The following FOXK1 variants were observed in gnomAD, a reference collection of about 807,000 sequenced individuals.
FOXK1 encodes the protein forkhead box K1.
FOXK1 carries 19 observed loss-of-function variants against 51.9 expected under a neutral mutation model. The observed-to-expected ratio is 0.37, with a 90% CI of 0.26 to 0.54. The LOEUF (loss-of-function observed/expected upper bound fraction) is 0.54, where lower values mean the gene tolerates loss of function less well. Among genes scored for constraint, FOXK1 ranks in the 20% least tolerant of loss-of-function variants. The pLI is 0.87. For synonymous variants in FOXK1, 537 were observed against 482.6 expected (o/e 1.11, Z -1.48); for missense variants, 870 against 1,032.7 (o/e 0.84, Z 2.16).
chr7:4,730,298 G>A lies in FOXK1; in HGVS notation c.561-10540G>A, dbSNP rs1217156880. On this transcript the variant is annotated intron_variant, in intron 1 of 8. Coordinates refer to ENST00000328914, the MANE Select transcript of FOXK1 (RefSeq NM_001037165.2). The surrounding 1 kb of genome is among the most constrained non-coding windows in gnomAD (Gnocchi z 4.7). ...CTGCGAGAACGGAGGGCCCAGAGCC[G>A]AGTACACTCGGCCAGGGTGAGTGAT... is the stretch of plus-strand genomic sequence containing the variant. 2.6e-5 allele frequency among the ~76,000 whole-genome samples: 4 copies of A among 152,196 alleles called. No homozygotes were observed. The highest frequency in any genetic ancestry group is 5.9e-5 in the Non-Finnish European group (4 of 68,046).
Position 4,751,075 on chromosome 7 carries a change from CGCAATCTCGACTCACT to C in FOXK1, c.747-3379_747-3364del, listed in dbSNP as rs1460327107. Among the ~76,000 whole-genome samples, 3 of 138,492 alleles carry C rather than the reference CGCAATCTCGACTCACT, an allele frequency of 2.2e-5. No individual in the cohort carries two copies. In the Admixed American group the frequency reaches 2.3e-4, roughly 11 times the overall value. The allele number at this position is 138,492 out of a possible 152,430, so 90.9% of individuals were successfully genotyped here. A position where few individuals can be genotyped will look rare whatever the true frequency, so the allele number is the denominator to read the frequency against. On this transcript the variant is annotated intron_variant, in intron 2 of 8. Coordinates refer to ENST00000328914, the MANE Select transcript of FOXK1 (RefSeq NM_001037165.2). ...TGTCGCCCAGGCTGGAGTGCAGTGG[CGCAATCTCGACTCACT>C]GCAAACTCCACCTCCCAGGTTCATG...
intron 1 of FOXK1, among the ~76,000 whole-genome samples, chr7:4,714,330 G>A (rs1780208764): frequency 6.6e-6 from 1 of 152,156 alleles, no homozygotes; most frequent in African/African-American, 2.4e-5. Flanking sequence ...CCAGGCTGGA[G>A]TGCAATGGCG....
intron 1 of FOXK1, among the ~76,000 whole-genome samples, chr7:4,697,064 G>A (rs1779962878): frequency 6.6e-6 from 1 of 152,092 alleles, no homozygotes; most frequent in Admixed American, 6.6e-5. Flanking sequence ...GAGCGAGACT[G>A]TCTCAATAAG....
Position 4,711,684 on chromosome 7 carries a change from G to A in FOXK1, c.560+28816G>A, listed in dbSNP as rs578258798. On this transcript the variant is annotated intron_variant, in intron 1 of 8. Transcript: ENST00000328914. This position sits in a 1 kb window ranked among gnomAD's most constrained non-coding sequence, Gnocchi z 6.3. ...CCTCTCGTATCTGCATCACCCATAAGGGGTGGGCAGTGGTGCTGCCGTGTC... is the reference window on the plus strand; with the variant it reads ...CCTCTCGTATCTGCATCACCCATAAAGGGTGGGCAGTGGTGCTGCCGTGTC... Among the ~76,000 whole-genome samples the A allele has an allele frequency of 6.6e-6, 1 of 152,218 alleles. No individual in the cohort carries two copies. Among genetic ancestry groups the A allele is most frequent in the Non-Finnish European group, 1.5e-5 (1 of 68,036 alleles).
intron 1 of FOXK1, among the ~76,000 whole-genome samples, chr7:4,697,997 G>A (rs1779975266): frequency 6.6e-6 from 1 of 151,882 alleles, no homozygotes; most frequent in Non-Finnish European, 1.5e-5. Flanking sequence ...GCTAATTTTT[G>A]TATTTTTAGT....
rs1780923055 is a variant in FOXK1 at position 4,760,945 on chromosome 7, C to T, written c.1697-119C>T. 1.5e-5 allele frequency: 13 copies of T among 878,146 alleles called. No individual in the cohort carries two copies. In the East Asian group the frequency reaches 3.2e-4, roughly 21 times the overall value. The allele number at this position is 878,146 out of a possible 1,614,324, so 54.4% of individuals were successfully genotyped here. On this transcript the variant is annotated intron_variant, in intron 7 of 8. Coordinates refer to ENST00000328914, the MANE Select transcript of FOXK1 (RefSeq NM_001037165.2). ...ACCCATGGGATTTTCCTCTAGCAAACCTATTTTTTCCCAGTGCCGACCTCA... is the reference window on the plus strand; with the variant it reads ...ACCCATGGGATTTTCCTCTAGCAAATCTATTTTTTCCCAGTGCCGACCTCA...
chr7:4,707,707 C>T lies in FOXK1; in HGVS notation c.560+24839C>T, dbSNP rs1330173212. Among the ~76,000 whole-genome samples, 8 of 149,158 alleles carry T rather than the reference C, an allele frequency of 5.4e-5. No individual in the cohort carries two copies. Among genetic ancestry groups the T allele is most frequent in the Non-Finnish European group, 8.9e-5 (6 of 67,712 alleles). On this transcript the variant is annotated intron_variant, in intron 1 of 8. Coordinates refer to ENST00000328914, the MANE Select transcript of FOXK1 (RefSeq NM_001037165.2). This position sits in a 1 kb window ranked among gnomAD's most constrained non-coding sequence, Gnocchi z 4.1. Reference sequence around the variant, plus strand: ...CATTTCACTTTTTTTTTTTTTGAGACGGACTCTCTCTCCGTTGCCCAGGCT... The same window carrying T: ...CATTTCACTTTTTTTTTTTTTGAGATGGACTCTCTCTCCGTTGCCCAGGCT...
rs1225252579 is a variant in FOXK1, at chr7:4,749,586, C to T, written c.747-4873C>T. Among the ~76,000 whole-genome samples the T allele has an allele frequency of 5.3e-5, 8 of 152,294 alleles. 1 individual carries two copies. The East Asian group carries it at 5.8e-4, about 11-fold the overall frequency. On this transcript the variant is annotated intron_variant, in intron 2 of 8. Coordinates refer to ENST00000328914, the MANE Select transcript of FOXK1 (RefSeq NM_001037165.2). The surrounding 1 kb of genome is among the most constrained non-coding windows in gnomAD (Gnocchi z 6.0). ...AGCTCCTTCCTCCAGCCCCTCCAGG[C>T]GGGTCCCTCTGTGTCTCTAGGGCTT...
intron 1 of FOXK1, among the ~76,000 whole-genome samples, chr7:4,696,507 C>T (rs970760770): frequency 7.2e-5 from 11 of 152,284 alleles, no homozygotes; most frequent in Non-Finnish European, 1.6e-4. Context: ...TCGGAGTACT[C>T]GTCCTTTGAG....
Position 4,682,938 on chromosome 7 carries a change from G to T in FOXK1, c.560+70G>T, listed in dbSNP as rs1474491790. 9 of 1,363,684 alleles carry T rather than the reference G, an allele frequency of 6.6e-6. No homozygotes were observed. Among genetic ancestry groups the T allele is most frequent in the Non-Finnish European group, 8.6e-6 (9 of 1,045,058 alleles). The allele number at this position is 1,363,684 out of a possible 1,614,324, so 84.5% of individuals were successfully genotyped here. A position where few individuals can be genotyped will look rare whatever the true frequency, so the allele number is the denominator to read the frequency against. On this transcript the variant is annotated intron_variant, in intron 1 of 8. Transcript: ENST00000328914. This position sits in a 1 kb window ranked among gnomAD's most constrained non-coding sequence, Gnocchi z 7.6. The stretch of plus-strand genomic sequence containing the variant: ...CACGACCTCGATCTCTGAGGCCCGG[G>T]CCTGGGGATCCCCCTCCAGCTTCCT...
intron 2 of FOXK1, among the ~76,000 whole-genome samples, chr7:4,741,443 C>G (rs1453960253): frequency 1.3e-5 from 2 of 152,130 alleles, no homozygotes; most frequent in Non-Finnish European, 2.9e-5. Context: ...ATTCTCTTGC[C>G]TCAGCCTCCC....
rs2115063861 is a variant in FOXK1, at chr7:4,745,135, G to A, written c.746+4112G>A. Among the ~76,000 whole-genome samples the A allele has an allele frequency of 6.6e-6, 1 of 152,306 alleles. No homozygotes were observed. The highest frequency in any genetic ancestry group is 1.9e-4 in the East Asian group (1 of 5,164). On this transcript the variant is annotated intron_variant, in intron 2 of 8. Transcript: ENST00000328914. This position sits in a 1 kb window ranked among gnomAD's most constrained non-coding sequence, Gnocchi z 4.3. ...CGCTCCCTAACAGATCGGGAGGTGG[G>A]AGCGGGGCCAGGCCAGAAGAGCTGG...
chr7:4,708,027 G>C (rs1780126668), intron 1 of FOXK1, among the ~76,000 whole-genome samples: 1 of 152,014 alleles, frequency 6.6e-6, no homozygotes, highest in South Asian at 2.1e-4. Context: ...TGGAGGGAGA[G>C]AGTGCCCTGG....
chr7:4,683,013 C>T lies in FOXK1; in HGVS notation c.560+145C>T. The stretch of plus-strand genomic sequence containing the variant: ...CCACCCCCGGTAACCCCCGACCGGC[C>T]TGGACTCCGGGGTCAACCCCGACCC... On this transcript the variant is annotated intron_variant, in intron 1 of 8. Coordinates refer to ENST00000328914, the MANE Select transcript of FOXK1 (RefSeq NM_001037165.2). This position sits in a 1 kb window ranked among gnomAD's most constrained non-coding sequence, Gnocchi z 4.5. 1 of 851,698 alleles carries T rather than the reference C, an allele frequency of 1.2e-6. No homozygotes were observed. Among genetic ancestry groups the T allele is most frequent in the Non-Finnish European group, 1.7e-6 (1 of 591,348 alleles). The allele number at this position is 851,698 out of a possible 1,614,324, so 52.8% of individuals were successfully genotyped here. A position where few individuals can be genotyped will look rare whatever the true frequency, so the allele number is the denominator to read the frequency against.
At chr7:4,699,583 G>T (rs1368819912) in intron 1 of FOXK1, among the ~76,000 whole-genome samples, 8 of 152,092 alleles carry the variant, frequency 5.3e-5, no homozygotes, top group Middle Eastern at 6.8e-3. Flanking sequence ...GGCCAGGCTG[G>T]TCTCGAACTC....
chr7:4,682,640 G>T lies in FOXK1; in HGVS notation c.332G>T (p.Gly111Val), dbSNP rs1394564047. ...GGGCCGGCGCTGGCGCGGCTGGAGGGCCGCGAGTTCGAGTTCCTCATGCGC... is the reference window on the plus strand; with the variant it reads ...GGGCCGGCGCTGGCGCGGCTGGAGGTCCGCGAGTTCGAGTTCCTCATGCGC... ...SPGPALARLE[G>V]REFEFLMRQP... The change falls in exon 1 of 9, where the codon GGC (glycine) becomes GTC (valine). Residue 111 changes from glycine (G) to valine (V), a missense_variant. This residue lies in a region of FOXK1 where 399 missense variants were observed against 475.6 expected (regional missense o/e 0.84). Coordinates refer to ENST00000328914, the MANE Select transcript of FOXK1 (RefSeq NM_001037165.2). The surrounding 1 kb of genome is among the most constrained non-coding windows in gnomAD (Gnocchi z 7.6). 1.3e-6 allele frequency: 2 copies of T among 1,547,184 alleles called. No individual in the cohort carries two copies. Among genetic ancestry groups the T allele is most frequent in the African/African-American group, 1.4e-5 (1 of 71,592 alleles).
intron 1 of FOXK1, among the ~76,000 whole-genome samples, chr7:4,700,415 G>A (rs1215554129): frequency 6.6e-6 from 1 of 152,236 alleles, no homozygotes; most frequent in East Asian, 1.9e-4. Flanking sequence ...CCTTGGGCAA[G>A]TGGATTGACC....
At position 4,756,722 on chromosome 7, in the gene FOXK1, G is replaced by A. The variant is rs1251026167; in HGVS notation, c.1051-272G>A. ...GGAACTTGCAGTGAGCCGAGATCGT[G>A]CCACTGCACTCCATCCTGGGCGACA... is the stretch of plus-strand genomic sequence containing the variant. On this transcript the variant is annotated intron_variant, in intron 4 of 8. Coordinates refer to ENST00000328914, the MANE Select transcript of FOXK1 (RefSeq NM_001037165.2). The surrounding 1 kb of genome is among the most constrained non-coding windows in gnomAD (Gnocchi z 4.1). 2.0e-5 allele frequency among the ~76,000 whole-genome samples: 3 copies of A among 151,270 alleles called. No homozygotes were observed. The East Asian group carries it at 5.9e-4, about 30-fold the overall frequency.
At chr7:4,751,765 C>T (rs766162757) in intron 2 of FOXK1, among the ~76,000 whole-genome samples, 12 of 152,366 alleles carry the variant, frequency 7.9e-5, no homozygotes, top group East Asian at 1.9e-4. Flanking sequence ...GCTGCGCTGT[C>T]GTACCTGTCC....
Sources: gnomAD v4.1 joint callset for allele counts (sites outside exome capture counted in the v4.1 genomes callset) on GRCh38, gnomAD v4.1.1 for gene constraint, gnomAD v4.1.1 regional missense constraint, Gnocchi (gnomAD v3.1) non-coding constraint, MANE v1.5 for transcripts, NCBI Gene and HGNC (gene_info 2026-07-23, HGNC 2026-07-21) for gene names.